The following ADGRG4 variants were observed in gnomAD, a reference collection of about 807,000 sequenced individuals.
The protein encoded by ADGRG4 is adhesion G protein-coupled receptor G4, also known as G protein-coupled receptor 112.
Under a neutral mutation model 126.2 loss-of-function variants are expected in ADGRG4, and 122 were observed. The observed-to-expected ratio is 0.97, with a 90% CI of 0.83 to 1.12. ADGRG4 has a LOEUF of 1.12. Ranked by LOEUF, ADGRG4 falls within the 50% of genes most tolerant of loss-of-function variation. The pLI, the probability that ADGRG4 is intolerant of heterozygous loss-of-function variation, is 0.00. For synonymous variants in ADGRG4, 943 were observed against 838.7 expected (o/e 1.12, Z -2.15); for missense variants, 2,481 against 2,251.8 (o/e 1.10, Z -2.06).
In ADGRG4 at chrX:136,363,041, A is replaced by G. The variant is rs1022110441; in HGVS notation, c.7278-436A>G. On this transcript the variant is annotated intron_variant, in intron 12 of 25. Transcript: ENST00000394143. ...GAGGCACAGGGGAGGGTGGATGATG[A>G]GGGCCGATGGGCCATCGAGGGTTCT... Among the ~76,000 whole-genome samples, 9 of 111,219 alleles carry G rather than the reference A, an allele frequency of 8.1e-5. No homozygotes were observed. In the East Asian group the frequency reaches 2.6e-3, roughly 32 times the overall value.
At chrX:136,351,375 T>C in intron 6 of ADGRG4, 72 bp from the exon 7 acceptor site, 1 of 599,481 alleles carries the variant, frequency 1.7e-6, no homozygotes, top group Non-Finnish European at 2.6e-6. Context: ...GAGAACACTT[T>C]TCACCAAATT....
intron 5 of ADGRG4, among the ~76,000 whole-genome samples, chrX:136,343,235 G>A (rs1014284763): frequency 9.0e-6 from 1 of 110,857 alleles, no homozygotes; most frequent in South Asian, 3.9e-4. Flanking sequence ...ATAATTTAAT[G>A]TATGATAGTG....
chrX:136,335,020 G>T (rs1399110654), intron 5 of ADGRG4, among the ~76,000 whole-genome samples: 1 of 111,273 alleles, frequency 9.0e-6, no homozygotes, highest in Non-Finnish European at 1.9e-5. Flanking sequence ...GTTAGCTGTA[G>T]GTTTCTTGAT....
In ADGRG4 at chrX:136,351,496, A is replaced by G; in HGVS notation, c.6777A>G (p.Pro2259=). 8.6e-7 allele frequency: 1 copy of G among 1,165,829 alleles called. No individual in the cohort carries two copies. The highest frequency in any genetic ancestry group is 1.2e-6 in the Non-Finnish European group (1 of 865,594). ...GCTTCTCTGTCTTTGTTGAAGAGCCAAGGATCCCTATTACCAGTGTTATAA... is the reference window on the plus strand; with the variant it reads ...GCTTCTCTGTCTTTGTTGAAGAGCCGAGGATCCCTATTACCAGTGTTATAA... ...EMSFSVFVEE[P]RIPITSVINE... Residue 2259 remains proline (P), a synonymous_variant, in exon 7 of 26, where the codon CCA becomes CCG. Coordinates refer to ENST00000394143, the MANE Select transcript of ADGRG4 (RefSeq NM_153834.4).
At chrX:136,392,895 A>G (rs926068501) in intron 17 of ADGRG4, among the ~76,000 whole-genome samples, 3 of 112,099 alleles carry the variant, frequency 2.7e-5, no homozygotes, top group African/African-American at 9.7e-5. Flanking sequence ...CTAAAAGACC[A>G]TATAGTTCAG....
rs940866605 is a variant in ADGRG4 at position 136,347,667 on chromosome X, G to T, written c.3961G>T (p.Gly1321Trp). The change falls in exon 6 of 26, where the codon GGG (glycine) becomes TGG (tryptophan). Residue 1321 changes from glycine to tryptophan, a missense_variant. Physicochemically the swap from Gly to Trp is radical, Grantham distance 184 (BLOSUM62 -2). Transcript: ENST00000394143. Reference sequence around the variant, plus strand: ...ACATTCGCCTTCAGAGATTCCACTTGGGACTCCCTCTGATGGAAATTTGGC... The same window carrying T: ...ACATTCGCCTTCAGAGATTCCACTTTGGACTCCCTCTGATGGAAATTTGGC... ...QTHSPSEIPL[G>W]TPSDGNLASS... The T allele has an allele frequency of 8.3e-7, 1 of 1,210,341 alleles. No individual in the cohort carries two copies. The highest frequency in any genetic ancestry group is 1.8e-5 in the South Asian group (1 of 56,781).
At chrX:136,314,448 G>A (rs148210936) in intron 4 of ADGRG4, among the ~76,000 whole-genome samples, 1,804 of 111,268 alleles carry the variant, frequency 0.016, 35 homozygotes, top group African/African-American at 0.055. Context: ...CTAGTATTCC[G>A]TAAACACACC....
intron 23 of ADGRG4, among the ~76,000 whole-genome samples, chrX:136,408,034 A>G (rs1481837387): frequency 8.9e-6 from 1 of 111,810 alleles, no homozygotes; most frequent in African/African-American, 3.3e-5. Flanking sequence ...CTGAGGAGAA[A>G]TGTACTCACT....
Position 136,357,752 on chromosome X carries a change from T to C in ADGRG4, c.6976T>C (p.Tyr2326His). The C allele has an allele frequency of 8.6e-7, 1 of 1,158,518 alleles. No homozygotes were observed. Among genetic ancestry groups the C allele is most frequent in the East Asian group, 3.0e-5 (1 of 33,528 alleles). ...AATGGCTACAATTTCCTATGTACCA[T>C]ACAGGTAGGAAGTAGGAACTGAGTT... ...QEMATISYVP[Y>H]SCVCQVIIKA... Residue 2326 changes from tyrosine (Y) to histidine (H), a missense_variant, in exon 10 of 26, where the codon TAC becomes CAC. Transcript: ENST00000394143.
chrX:136,335,529 G>A (rs2074943556), intron 5 of ADGRG4, among the ~76,000 whole-genome samples: 1 of 111,005 alleles, frequency 9.0e-6, no homozygotes, highest in Non-Finnish European at 1.9e-5. Flanking sequence ...TAAATTAGTA[G>A]TTCAATTTCT....
Position 136,372,794 on chromosome X carries a change from T to C in ADGRG4, c.7614-108T>C, listed in dbSNP as rs1007859028. The C allele has an allele frequency of 2.6e-5, 19 of 726,447 alleles. No individual in the cohort carries two copies. In the East Asian group the frequency reaches 5.1e-4, roughly 20 times the overall value. The allele number at this position is 726,447 out of a possible 1,213,427, so 59.9% of individuals were successfully genotyped here. On this transcript the variant is annotated intron_variant, in intron 14 of 25. Transcript: ENST00000394143. ...TAATAATTCCTAAATGATATAAAGA[T>C]AGTGATTAAAACTCAAAGAAAAGTC...
In ADGRG4 at chrX:136,361,528, T is replaced by C. The variant is rs1384438828; in HGVS notation, c.7218T>C (p.Pro2406=). Reference sequence around the variant, plus strand: ...CCTATAAGTGGCTATTAACCAACCCTACGGAGACAGCCCAAACCAGATGCA... The same window carrying C: ...CCTATAAGTGGCTATTAACCAACCCCACGGAGACAGCCCAAACCAGATGCA... ...KGTYKWLLTN[P]TETAQTRCIK... is the part of the protein sequence containing the mutation. The change falls in exon 12 of 26, where the codon CCT becomes CCC. Residue 2406 remains proline (P), a synonymous_variant. Coordinates refer to ENST00000394143, the MANE Select transcript of ADGRG4 (RefSeq NM_153834.4). The C allele has an allele frequency of 8.4e-7, 1 of 1,189,989 alleles. No individual in the cohort carries two copies. The highest frequency in any genetic ancestry group is 1.8e-5 in the African/African-American group (1 of 56,475).
Position 136,361,581 on chromosome X carries a change from G to T in ADGRG4, c.7271G>T (p.Arg2424Ile). The change falls in exon 12 of 26, where the codon AGA (arginine) becomes ATA (isoleucine). Residue 2424 changes from arginine (R) to isoleucine (I), a missense_variant. By Grantham distance (97) the Arg-to-Ile change is moderately conservative. Transcript: ENST00000394143. ...CIKNEDGNAT[R>I]FCSISINTGK... ...AAAAATGAGGATGGAAATGCCACAA[G>T]ATTCTGGTATGTACAGGCCAAGTTC... 1 of 1,176,158 alleles carries T rather than the reference G, an allele frequency of 8.5e-7. No individual in the cohort carries two copies. Among genetic ancestry groups the T allele is most frequent in the Non-Finnish European group, 1.1e-6 (1 of 874,847 alleles).
intron 25 of ADGRG4, among the ~76,000 whole-genome samples, chrX:136,415,182 C>T (rs2075469328): frequency 8.9e-6 from 1 of 111,893 alleles, no homozygotes; most frequent in South Asian, 3.8e-4. Context: ...CATTCTCCTG[C>T]CTTCTCAGTG....
chrX:136,402,806 T>C (rs779407489), intron 21 of ADGRG4, among the ~76,000 whole-genome samples: 2 of 111,674 alleles, frequency 1.8e-5, no homozygotes, highest in South Asian at 3.8e-4. Context: ...AAAAAAGCAC[T>C]GAAGGCTGCA....
At chrX:136,318,580 A>C (rs1417089156) in intron 4 of ADGRG4, among the ~76,000 whole-genome samples, 2 of 111,504 alleles carry the variant, frequency 1.8e-5, no homozygotes, top group African/African-American at 6.5e-5. Context: ...GGTGCTTGGC[A>C]CTCCTAGGGT....
At chrX:136,305,192 C>T (rs1476751108) in intron 3 of ADGRG4, among the ~76,000 whole-genome samples, 169 bp downstream of exon 3, 1 of 111,744 alleles carries the variant, frequency 8.9e-6, no homozygotes, top group Non-Finnish European at 1.9e-5. Context: ...TGGGGTGAAT[C>T]ATGGATTATT....
chrX:136,316,655 A>G (rs2086418169), intron 4 of ADGRG4, among the ~76,000 whole-genome samples: 1 of 110,975 alleles, frequency 9.0e-6, no homozygotes, highest in Non-Finnish European at 1.9e-5. Context: ...TTTAGTAGAG[A>G]TGGGGTTTCG....
At chrX:136,329,590 G>A (rs1345941232) in intron 5 of ADGRG4, among the ~76,000 whole-genome samples, 1 of 111,805 alleles carries the variant, frequency 8.9e-6, no homozygotes, top group Non-Finnish European at 1.9e-5. Flanking sequence ...AAGGATGGAG[G>A]CCTGACCTCA....
Sources: allele counts gnomAD v4.1 joint callset (sites outside exome capture counted in the v4.1 genomes callset), GRCh38; gene constraint gnomAD v4.1.1; transcripts MANE v1.5; gene names NCBI Gene and HGNC (gene_info 2026-07-23, HGNC 2026-07-21).